DEPDC5: variants seen among roughly 807,000 people sequenced by gnomAD.
DEPDC5 encodes GATOR1 complex protein DEPDC5.
DEPDC5 carries 73 observed loss-of-function variants against 217.3 expected under a neutral mutation model. The ratio of observed to expected loss-of-function variants is 0.34; its 90% confidence interval spans 0.28 to 0.41. The LOEUF (loss-of-function observed/expected upper bound fraction) is 0.41, where lower values mean the gene tolerates loss of function less well. DEPDC5 is among the 10% of genes least tolerant of loss of function. DEPDC5 has a pLI of 1.00. For synonymous variants in DEPDC5, 733 were observed against 756.7 expected, an observed-to-expected ratio of 0.97 and a Z score of 0.51; for missense variants, 1,675 against 2,070.1, an observed-to-expected ratio of 0.81 and a Z score of 3.70.
At chr22:31,902,410 A>ATATATATATATATATATATATATATACT (rs1569244148) in intron 41 of DEPDC5, among the ~76,000 whole-genome samples, 2 of 93,400 alleles carry the variant, frequency 2.1e-5, no homozygotes, top group African/African-American at 1.2e-4. Flanking sequence ...TCTCCTTATT[A>ATATATATATATATATATATATATATACT]TATATATATA....
chr22:31,830,097 G>C (rs952141934), intron 24 of DEPDC5, among the ~76,000 whole-genome samples: 5 of 152,230 alleles, frequency 3.3e-5, no homozygotes, highest in African/African-American at 9.6e-5. Context: ...CTCCAGGCCA[G>C]GTCAGTTTTT....
intron 7 of DEPDC5, among the ~76,000 whole-genome samples, chr22:31,773,953 C>T (rs952996992): frequency 2.2e-4 from 34 of 152,048 alleles, no homozygotes; most frequent in African/African-American, 8.0e-4. Context: ...CTCCTGTAAT[C>T]CCAGCTACTC....
At chr22:31,760,831 C>T (rs2082327017) in intron 4 of DEPDC5, 129 bp downstream of exon 4, 1 of 769,216 alleles carries the variant, frequency 1.3e-6, no homozygotes, top group Non-Finnish European at 2.0e-6. Flanking sequence ...TTTAATTTAA[C>T]TTTCAATTCA....
intron 24 of DEPDC5, among the ~76,000 whole-genome samples, chr22:31,825,217 C>G (rs2090049106): frequency 6.6e-6 from 1 of 152,114 alleles, no homozygotes; most frequent in African/African-American, 2.4e-5. Flanking sequence ...CCCAGGTAGT[C>G]TTGGAAGTTG....
At chr22:31,806,941 A>G (rs1334356480) in intron 18 of DEPDC5, among the ~76,000 whole-genome samples, 1 of 152,214 alleles carries the variant, frequency 6.6e-6, no homozygotes, top group Non-Finnish European at 1.5e-5. Flanking sequence ...AAGCCCAGGA[A>G]TCCATTGCTG....
At chr22:31,778,428 G>T (rs1173339270) in intron 8 of DEPDC5, among the ~76,000 whole-genome samples, 1 of 152,122 alleles carries the variant, frequency 6.6e-6, no homozygotes, top group African/African-American at 2.4e-5. Context: ...GTTCGAAGCT[G>T]CAGTGGGTCA....
Position 31,870,722 on chromosome 22 carries a change from T to A in DEPDC5, c.3463T>A (p.Ser1155Thr). The A allele has an allele frequency of 6.3e-7, 1 of 1,578,926 alleles. No individual in the cohort carries two copies. The highest frequency in any genetic ancestry group is 1.4e-5 in the African/African-American group (1 of 73,208). The stretch of plus-strand genomic sequence containing the variant: ...GAACATAGGAGAACAGGGCTACTCC[T>A]CCACAAACTCCAGTGACAGCAGGTG... ...SQNIGEQGYS[S>T]TNSSDSSSQQ... is the part of the protein sequence containing the mutation. Residue 1155 changes from serine to threonine, a missense_variant, in exon 34 of 43, where the codon TCC becomes ACC. By Grantham distance (58) the Ser-to-Thr change is moderately conservative. This residue lies in a region of DEPDC5 where 194 missense variants were observed against 199.3 expected (regional missense o/e 0.97). Transcript: ENST00000651528.
At chr22:31,755,052 C>A in intron 2 of DEPDC5, 73 bp downstream of exon 2, 1 of 1,551,490 alleles carries the variant, frequency 6.4e-7, no homozygotes, top group Non-Finnish European at 8.9e-7. Flanking sequence ...CTAGAAATTA[C>A]ACACTGACTC....
chr22:31,842,445 C>T (rs371452589), intron 27 of DEPDC5, among the ~76,000 whole-genome samples: 150 of 152,078 alleles, frequency 9.9e-4, no homozygotes, highest in African/African-American at 1.7e-3. Context: ...GGTGGTGGAG[C>T]GTGCCTGTAA....
intron 22 of DEPDC5, among the ~76,000 whole-genome samples, chr22:31,819,606 C>G (rs528180796): frequency 1.6e-4 from 25 of 151,546 alleles, no homozygotes; most frequent in Non-Finnish European, 3.2e-4. Context: ...GTAGCTGGGA[C>G]TGTAGGTACG....
intron 21 of DEPDC5, 163 bp downstream of exon 21, chr22:31,815,375 T>A: frequency 1.4e-6 from 1 of 740,500 alleles, no homozygotes; most frequent in Non-Finnish European, 2.4e-6. Context: ...GCTATGTATA[T>A]ATTATACTTC....
chr22:31,862,111 G>A (rs1044480961), intron 33 of DEPDC5, among the ~76,000 whole-genome samples: 2 of 152,082 alleles, frequency 1.3e-5, no homozygotes, highest in Admixed American at 6.6e-5. Flanking sequence ...GCGTGGTGGT[G>A]CATGCCTGTA....
chr22:31,868,655 G>A (rs984505440), intron 33 of DEPDC5, among the ~76,000 whole-genome samples: 2 of 152,130 alleles, frequency 1.3e-5, no homozygotes, highest in African/African-American at 4.8e-5. Flanking sequence ...TCGAACTCCT[G>A]GACTCAAGTG....
At chr22:31,814,890 A>G in intron 20 of DEPDC5, 102 bp from the exon 21 acceptor site, 1 of 1,282,036 alleles carries the variant, frequency 7.8e-7, no homozygotes, top group Non-Finnish European at 1.1e-6. Flanking sequence ...GATTTTTGTT[A>G]TTGGGTTCCA....
At chr22:31,827,894 G>A (rs1415711161) in intron 24 of DEPDC5, among the ~76,000 whole-genome samples, 1 of 152,088 alleles carries the variant, frequency 6.6e-6, no homozygotes, top group Non-Finnish European at 1.5e-5. Flanking sequence ...TATTAATAGT[G>A]TCCCCTTCCA....
At chr22:31,855,283 A>T (rs2092236830) in intron 31 of DEPDC5, among the ~76,000 whole-genome samples, 1 of 151,630 alleles carries the variant, frequency 6.6e-6, no homozygotes, top group South Asian at 2.1e-4. Context: ...TTTTGAGACA[A>T]TTGAGGAAAT....
rs537677695 is a variant in DEPDC5, at chr22:31,754,808, G to T, written c.-60-54G>T. 4.7e-5 allele frequency: 57 copies of T among 1,207,896 alleles called. 1 individual carries two copies. The South Asian group carries it at 7.2e-4, about 15-fold the overall frequency. The allele number at this position is 1,207,896 out of a possible 1,614,324, so 74.8% of individuals were successfully genotyped here. Reference sequence around the variant, plus strand: ...CTTCACTGGCCTAAAATCAAAGAGTGGTTGCAAGGAAAAATCTGACATTCC... The same window carrying T: ...CTTCACTGGCCTAAAATCAAAGAGTTGTTGCAAGGAAAAATCTGACATTCC... On this transcript the variant is annotated intron_variant, in intron 1 of 42. Transcript: ENST00000651528.
intron 41 of DEPDC5, among the ~76,000 whole-genome samples, chr22:31,904,465 G>C (rs542572543): frequency 6.6e-6 from 1 of 152,376 alleles, no homozygotes; most frequent in East Asian, 1.9e-4. Context: ...AAAGCAGGCT[G>C]GGTGTGGTGG....
Position 31,799,799 on chromosome 22 carries a change from C to CTTTTTTT in DEPDC5, c.946+1164_946+1170dup, listed in dbSNP as rs1158355451. On this transcript the variant is annotated intron_variant, in intron 14 of 42. Transcript: ENST00000651528. ...ACAGGCATGAGCCACCATGCCCGGC[C>CTTTTTTT]TTTTTTTTTTTTTTTTTTTTTTTTT... Among the ~76,000 whole-genome samples the CTTTTTTT allele has an allele frequency of 1.4e-4, 10 of 72,930 alleles. 3 individuals carry two copies. Among genetic ancestry groups the CTTTTTTT allele is most frequent in the African/African-American group, 4.4e-4 (6 of 13,596 alleles). The allele number at this position is 72,930 out of a possible 152,430, so 47.8% of individuals were successfully genotyped here. A position where few individuals can be genotyped will look rare whatever the true frequency, so the allele number is the denominator to read the frequency against.
Sources: gnomAD v4.1 joint callset for allele counts (sites outside exome capture counted in the v4.1 genomes callset) on GRCh38, gnomAD v4.1.1 for gene constraint, gnomAD v4.1.1 regional missense constraint, MANE v1.5 for transcripts, NCBI Gene and HGNC (gene_info 2026-07-23, HGNC 2026-07-21) for gene names.